Variants in ZNF385D observed in about 807,000 individuals in gnomAD.
ZNF385D encodes zinc finger protein 385D.
ZNF385D carries 15 observed loss-of-function variants against 35.8 expected under a neutral mutation model. The ratio of observed to expected loss-of-function variants is 0.42; its 90% CI spans 0.28 to 0.64. The LOEUF is 0.64. ZNF385D is among the 30% of genes least tolerant of loss of function. The pLI, the probability that ZNF385D is intolerant of heterozygous loss-of-function variation, is 0.23. For synonymous variants in ZNF385D, 212 were observed against 186.8 expected (o/e 1.13, Z -1.10); for missense variants, 474 against 494.6 (o/e 0.96, Z 0.39).
chr3:22,044,273 C>T (rs1156756455), intron 3 of ZNF385D, among the ~76,000 whole-genome samples: 1 of 151,792 alleles, frequency 6.6e-6, no homozygotes, highest in Non-Finnish European at 1.5e-5. Flanking sequence ...GGAATGGGAC[C>T]AGTCGTCTTT....
At chr3:21,990,614 C>T (rs1182511789) in intron 3 of ZNF385D, among the ~76,000 whole-genome samples, 2 of 152,142 alleles carry the variant, frequency 1.3e-5, no homozygotes, top group Non-Finnish European at 2.9e-5. Flanking sequence ...ATAACTTTCT[C>T]TAAATAATAA....
At chr3:21,760,920 G>A (rs891307620) in intron 3 of ZNF385D, among the ~76,000 whole-genome samples, 1 of 152,126 alleles carries the variant, frequency 6.6e-6, no homozygotes, top group African/African-American at 2.4e-5. Flanking sequence ...GTTATCCATA[G>A]TTTAGGGCTG....
intron 3 of ZNF385D, among the ~76,000 whole-genome samples, chr3:21,827,123 A>G (rs1399001830): frequency 6.6e-6 from 1 of 152,200 alleles, no homozygotes; most frequent in African/African-American, 2.4e-5. Context: ...TAGGTCATAC[A>G]TGCAATATAC....
At chr3:21,538,122 A>G (rs752853242) in intron 3 of ZNF385D, among the ~76,000 whole-genome samples, 11 of 152,122 alleles carry the variant, frequency 7.2e-5, no homozygotes, top group Admixed American at 3.3e-4. Context: ...AGTTGCCATC[A>G]TAAGAGGAAT....
intron 2 of ZNF385D, among the ~76,000 whole-genome samples, chr3:22,231,350 C>T (rs1050043752): frequency 1.3e-5 from 2 of 151,948 alleles, no homozygotes; most frequent in East Asian, 1.9e-4. Context: ...CCTTACTGTC[C>T]CCAGTGAGAG....
chr3:22,075,671 T>C (rs1042368498), intron 3 of ZNF385D, among the ~76,000 whole-genome samples: 2 of 151,956 alleles, frequency 1.3e-5, no homozygotes, highest in African/African-American at 4.8e-5. Flanking sequence ...TTCTTTCTTG[T>C]ACTTTCTTTC....
At chr3:22,210,357 T>A (rs1179406619) in intron 2 of ZNF385D, among the ~76,000 whole-genome samples, 2 of 151,850 alleles carry the variant, frequency 1.3e-5, no homozygotes, top group African/African-American at 2.4e-5. Flanking sequence ...TACTTACGTC[T>A]TGGAAGGAAA....
At chr3:22,371,371 C>G (rs1472375365) in intron 2 of ZNF385D, among the ~76,000 whole-genome samples, 1 of 151,652 alleles carries the variant, frequency 6.6e-6, no homozygotes, top group South Asian at 2.1e-4. Flanking sequence ...TAGCATAGAA[C>G]AGCGCCAGCT....
At chr3:22,021,007 G>A (rs542731666) in intron 3 of ZNF385D, among the ~76,000 whole-genome samples, 17 of 152,032 alleles carry the variant, frequency 1.1e-4, no homozygotes, top group African/African-American at 3.1e-4. Flanking sequence ...ATTATCTTAG[G>A]TGAAATAAGT....
chr3:22,237,960 C>T (rs907490899), intron 2 of ZNF385D, among the ~76,000 whole-genome samples: 3 of 151,024 alleles, frequency 2.0e-5, no homozygotes, highest in Non-Finnish European at 4.4e-5. Context: ...ACCTTTAATA[C>T]ACTTGAAGTT....
chr3:22,044,439 G>A (rs925262154), intron 3 of ZNF385D, among the ~76,000 whole-genome samples: 1 of 151,864 alleles, frequency 6.6e-6, no homozygotes, highest in Admixed American at 6.6e-5. Context: ...CTAGAGCAAG[G>A]CAAACAAAAA....
At chr3:21,964,441 A>AAAAAAAAAG (rs1702777922) in intron 3 of ZNF385D, among the ~76,000 whole-genome samples, 1 of 143,370 alleles carries the variant, frequency 7.0e-6, no homozygotes, top group African/African-American at 2.6e-5. Context: ...AAGAAAAAAA[A>AAAAAAAAAG]AAAAAGAAAA....
At chr3:21,966,784 G>A (rs1037232284) in intron 3 of ZNF385D, among the ~76,000 whole-genome samples, 7 of 152,184 alleles carry the variant, frequency 4.6e-5, no homozygotes, top group Non-Finnish European at 8.8e-5. Flanking sequence ...GTTTTGCCAT[G>A]TTGGCCAGGC....
At chr3:21,776,531 A>G (rs2071296506) in intron 3 of ZNF385D, among the ~76,000 whole-genome samples, 1 of 151,972 alleles carries the variant, frequency 6.6e-6, no homozygotes. Context: ...TTTTATTAAG[A>G]TAAGTTAATG....
At chr3:22,216,082 C>T (rs1576509812) in intron 2 of ZNF385D, among the ~76,000 whole-genome samples, 2 of 152,004 alleles carry the variant, frequency 1.3e-5, no homozygotes, top group South Asian at 4.1e-4. Context: ...CTTCTTCTCC[C>T]TTTGTCTCCT....
chr3:21,804,020 A>G (rs537857110), intron 3 of ZNF385D, among the ~76,000 whole-genome samples: 27 of 152,334 alleles, frequency 1.8e-4, no homozygotes, highest in South Asian at 1.2e-3. Context: ...CTTTGCTGGG[A>G]AATTATCTCA....
At chr3:22,350,350 C>G (rs1211100249) in intron 2 of ZNF385D, among the ~76,000 whole-genome samples, 1 of 151,942 alleles carries the variant, frequency 6.6e-6, no homozygotes, top group Non-Finnish European at 1.5e-5. Context: ...TGCAGTTAAC[C>G]CTTTAGGATG....
rs76877037 is a variant in ZNF385D, at chr3:22,014,045, C to G, written c.325+154772G>C. Reference sequence around the variant, plus strand: ...GAAGCAACCCCAAGAAATACAGATACGTCAGGAATGGGAAGAAATCTTTGA... The same window carrying G: ...GAAGCAACCCCAAGAAATACAGATAGGTCAGGAATGGGAAGAAATCTTTGA... On this transcript the variant is annotated intron_variant, in intron 3 of 5. Transcript: ENST00000494108. Among the ~76,000 whole-genome samples, 10 of 151,978 alleles carry G rather than the reference C, an allele frequency of 6.6e-5. No individual in the cohort carries two copies. In the South Asian group the frequency reaches 1.7e-3, roughly 25 times the overall value.
intron 3 of ZNF385D, among the ~76,000 whole-genome samples, chr3:21,855,122 A>G (rs528276849): frequency 1.8e-4 from 28 of 152,088 alleles, no homozygotes; most frequent in Non-Finnish European, 5.9e-5. Flanking sequence ...CAAAAGCTAC[A>G]TTACTACTCC....
Sources: gnomAD v4.1 joint callset for allele counts (sites outside exome capture counted in the v4.1 genomes callset) on GRCh38, gnomAD v4.1.1 for gene constraint, MANE v1.5 for transcripts, NCBI Gene and HGNC (gene_info 2026-07-23, HGNC 2026-07-21) for gene names.